Variants in STX17 observed in about 807,000 individuals in gnomAD.
STX17 encodes the protein syntaxin 17, also known as syntaxin-17.
A neutral mutation model predicts 35.9 loss-of-function variants in STX17; 29 were observed. The ratio of observed to expected loss-of-function variants is 0.81; its 90% CI spans 0.60 to 1.10. The LOEUF is 1.10. STX17 is among the 50% of genes least tolerant of loss of function. The pLI, the probability that STX17 is intolerant of heterozygous loss-of-function variation, is 0.00. For synonymous variants in STX17, 92 were observed against 118.3 expected (o/e 0.78, Z 1.44); for missense variants, 312 against 352.3 (o/e 0.89, Z 0.92).
intron 4 of STX17, among the ~76,000 whole-genome samples, chr9:99,956,868 A>G (rs553878704): frequency 6.6e-6 from 1 of 152,354 alleles, no homozygotes; most frequent in Non-Finnish European, 1.5e-5. Flanking sequence ...TTTATAAAAT[A>G]CTATTTCAGT....
intron 3 of STX17, among the ~76,000 whole-genome samples, chr9:99,937,594 A>C (rs1829262310): frequency 6.6e-6 from 1 of 151,998 alleles, no homozygotes; most frequent in Non-Finnish European, 1.5e-5. Context: ...CAGAATTTTG[A>C]TTTGAGTCTT....
At chr9:99,956,817 T>G (rs1829719390) in intron 4 of STX17, among the ~76,000 whole-genome samples, 1 of 152,220 alleles carries the variant, frequency 6.6e-6, no homozygotes. Flanking sequence ...CCTAGAGAGG[T>G]AAAGCATTCA....
At chr9:99,925,163 T>G (rs10121601) in intron 2 of STX17, among the ~76,000 whole-genome samples, 104,072 of 151,278 alleles carry the variant, frequency 0.69, 36,061 homozygotes, top group African/African-American at 0.72. Context: ...ATTTTTTTAG[T>G]GGTTGCTTTA....
In STX17 at chr9:99,930,225, T is replaced by C. The variant is rs1372973297; in HGVS notation, c.189+1382T>C. On this transcript the variant is annotated intron_variant, in intron 3 of 7. Coordinates refer to ENST00000259400, the MANE Select transcript of STX17 (RefSeq NM_017919.3). ...CGCACCTGGCCAGTAATATTTCTTATATGCTCAAATATGTCAGTTCCATTC... is the reference window on the plus strand; with the variant it reads ...CGCACCTGGCCAGTAATATTTCTTACATGCTCAAATATGTCAGTTCCATTC... 1.3e-5 allele frequency among the ~76,000 whole-genome samples: 2 copies of C among 151,800 alleles called. 1 individual carries two copies. The highest frequency in any genetic ancestry group is 4.2e-4 in the South Asian group (2 of 4,818).
At chr9:99,937,117 TCTG>T (rs576461538) in intron 3 of STX17, among the ~76,000 whole-genome samples, 111 of 152,344 alleles carry the variant, frequency 7.3e-4, no homozygotes, top group Non-Finnish European at 1.2e-3. Context: ...TGATGAGAAA[TCTG>T]CTTAATTCTT....
chr9:99,953,574 A>T (rs182970185), intron 4 of STX17, among the ~76,000 whole-genome samples: 1 of 152,186 alleles, frequency 6.6e-6, no homozygotes, highest in African/African-American at 2.4e-5. Context: ...GTGCAAACTG[A>T]TGCTTTATGT....
intron 1 of STX17, among the ~76,000 whole-genome samples, chr9:99,908,661 C>T (rs1237845164): frequency 6.6e-6 from 1 of 151,922 alleles, no homozygotes; most frequent in African/African-American, 2.4e-5. Flanking sequence ...CATAGGATGC[C>T]CCAGGCTCAT....
chr9:99,964,322 A>G (rs925518007), intron 6 of STX17, among the ~76,000 whole-genome samples: 12 of 152,202 alleles, frequency 7.9e-5, no homozygotes, highest in Middle Eastern at 3.4e-3. Context: ...GTTCGTCAAG[A>G]TTTGTTATGT....
chr9:99,951,239 A>G lies in STX17; in HGVS notation c.369A>G (p.Glu123=). 2 of 1,612,994 alleles carry G rather than the reference A, an allele frequency of 1.2e-6. No homozygotes were observed. The highest frequency in any genetic ancestry group is 1.7e-6 in the Non-Finnish European group (2 of 1,179,142). ...AACTTAAGAAGCAATTTAATGATGA[A>G]GAAACTTTGCTACAGCCTCCTTTGA... ...VEELKKQFND[E]ETLLQPPLTR... The change falls in exon 4 of 8, where the codon GAA becomes GAG. Residue 123 remains glutamate, a synonymous_variant. Coordinates refer to ENST00000259400, the MANE Select transcript of STX17 (RefSeq NM_017919.3).
chr9:99,931,244 G>T (rs1469035061), intron 3 of STX17, among the ~76,000 whole-genome samples: 2 of 152,164 alleles, frequency 1.3e-5, no homozygotes, highest in Non-Finnish European at 2.9e-5. Flanking sequence ...CTTCCAAAGT[G>T]CTGGGATTAC....
At chr9:99,959,518 G>A (rs568442676) in intron 4 of STX17, among the ~76,000 whole-genome samples, 8 of 146,996 alleles carry the variant, frequency 5.4e-5, no homozygotes, top group South Asian at 2.2e-4. Context: ...GGAGTGCAGC[G>A]GCGTGATCAC....
intron 1 of STX17, among the ~76,000 whole-genome samples, chr9:99,910,649 A>C (rs1282506041): frequency 6.6e-6 from 1 of 152,236 alleles, no homozygotes; most frequent in African/African-American, 2.4e-5. Flanking sequence ...TGGGATATAT[A>C]TCATGTCAAA....
chr9:99,910,610 A>G (rs1828640406), intron 1 of STX17, among the ~76,000 whole-genome samples: 1 of 152,228 alleles, frequency 6.6e-6, no homozygotes, highest in Admixed American at 6.5e-5. Flanking sequence ...ATACATACAT[A>G]CAATGTGTAA....
intron 3 of STX17, among the ~76,000 whole-genome samples, chr9:99,939,738 G>T (rs1829311494): frequency 6.6e-6 from 1 of 152,078 alleles, no homozygotes. Context: ...AGCCTACCTA[G>T]ATCCTTACTA....
rs1481302045 is a variant in STX17 at position 99,959,946 on chromosome 9, A to G, written c.445A>G (p.Ser149Gly). Reference sequence around the variant, plus strand: ...ATTTCATACTACTGAAGCTGAAGCTAGTTCTCAGAGTTTGACTCAGATATA... The same window carrying G: ...ATTTCATACTACTGAAGCTGAAGCTGGTTCTCAGAGTTTGACTCAGATATA... ...GAFHTTEAEA[S>G]SQSLTQIYAL... The change falls in exon 5 of 8, where the codon AGT (serine) becomes GGT (glycine). Residue 149 changes from serine (S) to glycine (G), a missense_variant. Transcript: ENST00000259400. The G allele has an allele frequency of 2.5e-6, 4 of 1,613,642 alleles. No individual in the cohort carries two copies. The East Asian group carries it at 8.9e-5, about 36-fold the overall frequency.
At chr9:99,967,466 C>T in intron 6 of STX17, 187 bp from the exon 7 acceptor site, 1 of 367,526 alleles carries the variant, frequency 2.7e-6, no homozygotes, top group Non-Finnish European at 5.0e-6. Context: ...TAATTAAGAC[C>T]CCCCCCTTTT....
intron 3 of STX17, chr9:99,929,227 A>AT (rs770698451): frequency 0.02 from 2,947 of 145,826 alleles, 75 homozygotes; most frequent in African/African-American, 0.064. Context: ...CTGGGCAGTA[A>AT]TTTTTTTTTT....
rs367960885 is a variant in STX17, at chr9:99,932,733, G to C, written c.189+3890G>C. The stretch of plus-strand genomic sequence containing the variant: ...GTGCCATTAGAGTAGTAAGATTGAA[G>C]CTATTGTTAGATGTAGGTATTTGGT... On this transcript the variant is annotated intron_variant, in intron 3 of 7. Coordinates refer to ENST00000259400, the MANE Select transcript of STX17 (RefSeq NM_017919.3). 2.4e-4 allele frequency among the ~76,000 whole-genome samples: 36 copies of C among 152,278 alleles called. No individual in the cohort carries two copies. In the East Asian group the frequency reaches 6.2e-3, roughly 26 times the overall value.
intron 1 of STX17, among the ~76,000 whole-genome samples, chr9:99,908,914 A>G (rs1406083163): frequency 6.6e-6 from 1 of 152,234 alleles, no homozygotes; most frequent in Non-Finnish European, 1.5e-5. Flanking sequence ...TTAAAAACAA[A>G]AGTTCATCCC....
Sources: allele counts gnomAD v4.1 joint callset (sites outside exome capture counted in the v4.1 genomes callset), GRCh38; gene constraint gnomAD v4.1.1; transcripts MANE v1.5; gene names NCBI Gene and HGNC (gene_info 2026-07-23, HGNC 2026-07-21).